Variants in FRS2 observed in about 807,000 individuals in gnomAD.
FRS2 encodes the protein fibroblast growth factor receptor substrate 2, also known as FGFR signalling adaptor.
A neutral mutation model predicts 43.9 loss-of-function variants in FRS2; 8 were observed. That is an observed-to-expected ratio of 0.18 (90% CI 0.11 to 0.33). The LOEUF (loss-of-function observed/expected upper bound fraction) is 0.33, where lower values mean the gene tolerates loss of function less well. Ranked by LOEUF, FRS2 falls within the 10% of genes least tolerant of loss-of-function variation. The pLI, the probability that FRS2 is intolerant of heterozygous loss-of-function variation, is 1.00. For synonymous variants in FRS2, 219 were observed against 220.3 expected (o/e 0.99, Z 0.05); for missense variants, 534 against 627.6 (o/e 0.85, Z 1.59).
At chr12:69,527,389 G>A (rs1041863070) in intron 1 of FRS2, among the ~76,000 whole-genome samples, 12 of 117,558 alleles carry the variant, frequency 1.0e-4, no homozygotes, top group Non-Finnish European at 1.5e-4. Context: ...TAGGTACATC[G>A]TCCAAGCTGG....
At chr12:69,539,257 G>T (rs1160856244) in intron 3 of FRS2, among the ~76,000 whole-genome samples, 2 of 152,030 alleles carry the variant, frequency 1.3e-5, no homozygotes, top group Non-Finnish European at 2.9e-5. Flanking sequence ...TGTATTTTTA[G>T]TAGAGATGGG....
chr12:69,503,256 C>G (rs760695447), intron 1 of FRS2, among the ~76,000 whole-genome samples: 1 of 152,124 alleles, frequency 6.6e-6, no homozygotes, highest in Non-Finnish European at 1.5e-5. Context: ...ATTTTGAAAG[C>G]CAGCTATGGA....
At chr12:69,514,233 G>C (rs1874753802) in intron 1 of FRS2, among the ~76,000 whole-genome samples, 1 of 152,194 alleles carries the variant, frequency 6.6e-6, no homozygotes, top group Non-Finnish European at 1.5e-5. Flanking sequence ...TAAGCAACCA[G>C]AAACAATGCT....
intron 3 of FRS2, among the ~76,000 whole-genome samples, chr12:69,543,717 C>T (rs571146389): frequency 6.6e-6 from 1 of 151,968 alleles, no homozygotes; most frequent in Non-Finnish European, 1.5e-5. Context: ...ATGCTGATAC[C>T]AGATAGAAAA....
At chr12:69,544,734 T>C in intron 3 of FRS2, among the ~76,000 whole-genome samples, 1 of 151,588 alleles carries the variant, frequency 6.6e-6, no homozygotes, top group Non-Finnish European at 1.5e-5. Flanking sequence ...AATAAATAAA[T>C]AAAAGGAAAC....
chr12:69,474,125 G>C (rs1439079138), intron 1 of FRS2, among the ~76,000 whole-genome samples: 1 of 152,188 alleles, frequency 6.6e-6, no homozygotes, highest in African/African-American at 2.4e-5. Context: ...ACAGGTGTGA[G>C]CCACTGCGCC....
chr12:69,497,129 G>A (rs1872972961), intron 1 of FRS2, among the ~76,000 whole-genome samples: 1 of 152,224 alleles, frequency 6.6e-6, no homozygotes, highest in South Asian at 2.1e-4. Context: ...GGCTGTAGCA[G>A]TGAGCAAAGC....
chr12:69,531,668 A>G (rs1876810066), intron 2 of FRS2, among the ~76,000 whole-genome samples: 1 of 58,532 alleles, frequency 1.7e-5, no homozygotes, highest in Non-Finnish European at 3.4e-5. Context: ...ATTACACCGA[A>G]AAAAAAAAAG....
intron 3 of FRS2, among the ~76,000 whole-genome samples, chr12:69,561,584 G>A (rs1449913086): frequency 6.6e-6 from 1 of 152,106 alleles, no homozygotes; most frequent in Non-Finnish European, 1.5e-5. Context: ...TTGTAACTCT[G>A]GACTGTAATT....
At chr12:69,484,465 A>C (rs1210148215) in intron 1 of FRS2, among the ~76,000 whole-genome samples, 1 of 152,222 alleles carries the variant, frequency 6.6e-6, no homozygotes, top group Non-Finnish European at 1.5e-5. Context: ...TCTTTAGCTT[A>C]CAGGTTTACC....
At chr12:69,484,491 A>G (rs1357560757) in intron 1 of FRS2, among the ~76,000 whole-genome samples, 3 of 152,172 alleles carry the variant, frequency 2.0e-5, no homozygotes, top group African/African-American at 7.2e-5. Context: ...AATGATTGCC[A>G]GTTTCTACAT....
chr12:69,537,346 T>C (rs1203298919), intron 3 of FRS2, among the ~76,000 whole-genome samples: 2 of 152,162 alleles, frequency 1.3e-5, no homozygotes, highest in African/African-American at 4.8e-5. Flanking sequence ...AATTTTTTTT[T>C]TTACCTGAGG....
chr12:69,528,825 A>G (rs954194845), intron 1 of FRS2, among the ~76,000 whole-genome samples: 2 of 152,230 alleles, frequency 1.3e-5, no homozygotes, highest in African/African-American at 2.4e-5. Context: ...TACAAAAACA[A>G]AGTCCTAAAG....
At chr12:69,509,249 CAG>C (rs1006228929) in intron 1 of FRS2, among the ~76,000 whole-genome samples, 9 of 152,194 alleles carry the variant, frequency 5.9e-5, no homozygotes, top group Admixed American at 3.9e-4. Flanking sequence ...TCACCCTCTC[CAG>C]AGATGCATCT....
intron 3 of FRS2, among the ~76,000 whole-genome samples, chr12:69,553,498 A>G (rs1879082871): frequency 6.6e-6 from 1 of 152,124 alleles, no homozygotes; most frequent in Non-Finnish European, 1.5e-5. Flanking sequence ...ATATGATTGT[A>G]CCTTTAAATT....
At chr12:69,490,284 T>C (rs1013192391) in intron 1 of FRS2, among the ~76,000 whole-genome samples, 3 of 152,174 alleles carry the variant, frequency 2.0e-5, no homozygotes, top group Non-Finnish European at 4.4e-5. Context: ...AATAGCAACA[T>C]TTAAAAATTA....
chr12:69,513,215 C>A (rs1874640040), intron 1 of FRS2, among the ~76,000 whole-genome samples: 1 of 149,942 alleles, frequency 6.7e-6, no homozygotes, highest in Admixed American at 6.7e-5. Context: ...TTTCCAAATT[C>A]TTCTTTCTTT....
At chr12:69,544,991 C>T (rs891015493) in intron 3 of FRS2, among the ~76,000 whole-genome samples, 1 of 151,806 alleles carries the variant, frequency 6.6e-6, no homozygotes, top group Non-Finnish European at 1.5e-5. Context: ...CATAGAAAAC[C>T]CTGAAGAGTC....
chr12:69,571,484 T>TA, intron 7 of FRS2, 50 bp downstream of exon 7: 2 of 1,392,066 alleles, frequency 1.4e-6, no homozygotes, highest in South Asian at 2.3e-5. Flanking sequence ...CGTTTAGTTG[T>TA]AAGCTATAGA....
Sources: gnomAD v4.1 joint callset for allele counts (sites outside exome capture counted in the v4.1 genomes callset) on GRCh38, gnomAD v4.1.1 for gene constraint, MANE v1.5 for transcripts, NCBI Gene and HGNC (gene_info 2026-07-23, HGNC 2026-07-21) for gene names.